The following RUSC2 variants were observed in gnomAD, a reference collection of about 807,000 sequenced individuals.
RUSC2 encodes AP-4 complex accessory subunit RUSC2.
Under a neutral mutation model 122.2 loss-of-function variants are expected in RUSC2, and 34 were observed. The observed-to-expected ratio is 0.28, with a 90% CI of 0.21 to 0.37. The LOEUF is 0.37. Ranked by LOEUF, RUSC2 falls within the 10% of genes least tolerant of loss-of-function variation. RUSC2 has a pLI of 1.00. For missense variants in RUSC2, 1,747 were observed against 1,952.4 expected, an observed-to-expected ratio of 0.89 and a Z score of 1.98; for synonymous variants, 784 against 790.0, an observed-to-expected ratio of 0.99 and a Z score of 0.13.
chr9:35,557,808 G>C lies in RUSC2; in HGVS notation c.2984-106G>C. ...AGACCCATGTGCAGATGTGGAGACGGAGTAAGTGTGGGAGCCCTTTCCCTG... is the reference window on the plus strand; with the variant it reads ...AGACCCATGTGCAGATGTGGAGACGCAGTAAGTGTGGGAGCCCTTTCCCTG... On this transcript the variant is annotated intron_variant, in intron 5 of 11. Coordinates refer to ENST00000361226, the MANE Select transcript of RUSC2 (RefSeq NM_014806.5). The surrounding 1 kb of genome is among the most constrained non-coding windows in gnomAD (Gnocchi z 4.6). 2 of 874,864 alleles carry C rather than the reference G, an allele frequency of 2.3e-6. No homozygotes were observed. The highest frequency in any genetic ancestry group is 2.0e-6 in the Non-Finnish European group (1 of 510,056). The allele number at this position is 874,864 out of a possible 1,614,324, so 54.2% of individuals were successfully genotyped here.
At chr9:35,506,331 TTGAA>T (rs563842541) in intron 1 of RUSC2, among the ~76,000 whole-genome samples, 12 of 152,242 alleles carry the variant, frequency 7.9e-5, no homozygotes, top group African/African-American at 1.2e-4. Flanking sequence ...ACTTATAACT[TTGAA>T]TGTAAGGATG....
Position 35,559,286 on chromosome 9 carries a change from C to T in RUSC2, c.3388+14C>T. Reference sequence around the variant, plus strand: ...ATAACCACGAAGGTAATGCCTAGAACCCTGCAGGTCAAACTCAATGGGTCA... The same window carrying T: ...ATAACCACGAAGGTAATGCCTAGAATCCTGCAGGTCAAACTCAATGGGTCA... On this transcript the variant is annotated intron_variant, in intron 9 of 11. Coordinates refer to ENST00000361226, the MANE Select transcript of RUSC2 (RefSeq NM_014806.5). 1 of 1,606,812 alleles carries T rather than the reference C, an allele frequency of 6.2e-7. No homozygotes were observed.
At chr9:35,537,845 G>A (rs1388046688) in intron 1 of RUSC2, among the ~76,000 whole-genome samples, 2 of 152,208 alleles carry the variant, frequency 1.3e-5, no homozygotes, top group African/African-American at 4.8e-5. Context: ...CTATCTCTGT[G>A]TTCAAGCGTA....
chr9:35,556,801 TG>T (rs1216438050), intron 5 of RUSC2, among the ~76,000 whole-genome samples: 1 of 152,226 alleles, frequency 6.6e-6, no homozygotes, highest in Non-Finnish European at 1.5e-5. Context: ...CACTCCAGCC[TG>T]GGCAACAAAA....
At chr9:35,552,109 C>G (rs937992939) in intron 2 of RUSC2, among the ~76,000 whole-genome samples, 1 of 152,068 alleles carries the variant, frequency 6.6e-6, no homozygotes, top group Admixed American at 6.6e-5. Flanking sequence ...GCCTGTAATC[C>G]CAGCACTTTG....
chr9:35,517,366 C>T (rs1482212057), intron 1 of RUSC2, among the ~76,000 whole-genome samples: 3 of 152,140 alleles, frequency 2.0e-5, no homozygotes, highest in Non-Finnish European at 4.4e-5. Context: ...AATACAGTAT[C>T]GCCTTTGTTC....
chr9:35,544,644 A>G (rs1587859705), intron 1 of RUSC2, among the ~76,000 whole-genome samples: 1 of 151,634 alleles, frequency 6.6e-6, no homozygotes, highest in Non-Finnish European at 1.5e-5. Context: ...AGAGTTCTTT[A>G]TATATTCTGA....
intron 1 of RUSC2, among the ~76,000 whole-genome samples, chr9:35,543,860 T>A (rs982356097): frequency 2.0e-5 from 3 of 152,266 alleles, no homozygotes; most frequent in Admixed American, 2.0e-4. Flanking sequence ...CCTTTGTGAC[T>A]GGCTTCGATT....
intron 1 of RUSC2, among the ~76,000 whole-genome samples, chr9:35,504,216 C>T (rs868668444): frequency 1.6e-4 from 24 of 152,056 alleles, no homozygotes; most frequent in African/African-American, 4.6e-4. Flanking sequence ...TATATTTTTC[C>T]GAGCTCATTA....
intron 1 of RUSC2, among the ~76,000 whole-genome samples, chr9:35,524,814 A>T (rs940277310): frequency 1.3e-5 from 2 of 152,096 alleles, no homozygotes; most frequent in African/African-American, 4.8e-5. Context: ...TACTAAAAAT[A>T]CAAAAAATTA....
chr9:35,558,669 G>A lies in RUSC2; in HGVS notation c.3341+102G>A. On this transcript the variant is annotated intron_variant, in intron 8 of 11. Coordinates refer to ENST00000361226, the MANE Select transcript of RUSC2 (RefSeq NM_014806.5). The surrounding 1 kb of genome is among the most constrained non-coding windows in gnomAD (Gnocchi z 4.3). ...AACAACGCCCTGGACAGACAGAAAGGGTGGATCTGGAGGGTCCCCTCAGCC... is the reference window on the plus strand; with the variant it reads ...AACAACGCCCTGGACAGACAGAAAGAGTGGATCTGGAGGGTCCCCTCAGCC... 1 of 1,005,206 alleles carries A rather than the reference G, an allele frequency of 9.9e-7. No homozygotes were observed. Among genetic ancestry groups the A allele is most frequent in the East Asian group, 2.4e-5 (1 of 41,704 alleles). 62.3% of individuals were successfully genotyped at this position (1,005,206 alleles called of 1,614,324 possible). A position where few individuals can be genotyped will look rare whatever the true frequency, so the allele number is the denominator to read the frequency against.
intron 2 of RUSC2, among the ~76,000 whole-genome samples, chr9:35,551,265 T>C (rs1192545575): frequency 6.6e-6 from 1 of 152,132 alleles, no homozygotes; most frequent in Non-Finnish European, 1.5e-5. Context: ...AAAGCAGGGA[T>C]AGCAGAGGCT....
rs1822176638 is a variant in RUSC2 at position 35,561,530 on chromosome 9, G to T, written c.*148G>T. The T allele has an allele frequency of 3.0e-6, 2 of 659,846 alleles. No homozygotes were observed. The highest frequency in any genetic ancestry group is 5.2e-6 in the Non-Finnish European group (2 of 386,032). The allele number at this position is 659,846 out of a possible 1,614,324, so 40.9% of individuals were successfully genotyped here. ...TGCTGGCACCTGCTCCCTGTGCTCA[G>T]TATTAATTACGCCCCCTTAACTGTC... is the stretch of plus-strand genomic sequence containing the variant. On this transcript the variant is annotated 3_prime_UTR_variant, in exon 12 of 12. Coordinates refer to ENST00000361226, the MANE Select transcript of RUSC2 (RefSeq NM_014806.5).
rs1298648657 is a variant in RUSC2, at chr9:35,560,080, C to T, written c.3440C>T (p.Thr1147Ile). ...TGGGGCTTCCTGAGTGCAGCTCATA[C>T]CGTGTGTCCCGGCCTCTTTGAAGAG... ...QPWGFLSAAH[T>I]VCPGLFEELL... Residue 1147 changes from threonine (T) to isoleucine (I), a missense_variant, in exon 10 of 12, where the codon ACC becomes ATC. Physicochemically the swap from Thr to Ile is moderately conservative, Grantham distance 89. Transcript: ENST00000361226. The T allele has an allele frequency of 1.2e-6, 2 of 1,613,744 alleles. No individual in the cohort carries two copies. Among genetic ancestry groups the T allele is most frequent in the Non-Finnish European group, 1.7e-6 (2 of 1,179,756 alleles).
At chr9:35,542,583 T>C (rs942746118) in intron 1 of RUSC2, among the ~76,000 whole-genome samples, 1 of 152,176 alleles carries the variant, frequency 6.6e-6, no homozygotes, top group African/African-American at 2.4e-5. Flanking sequence ...TATAATTCAA[T>C]CATAAAAAGA....
At chr9:35,496,377 T>G (rs1328113227) in intron 1 of RUSC2, among the ~76,000 whole-genome samples, 1 of 152,102 alleles carries the variant, frequency 6.6e-6, no homozygotes, top group African/African-American at 2.4e-5. Context: ...CTCGGTGCAT[T>G]AAATCTTCTT....
At chr9:35,550,833 C>A (rs565175935) in intron 2 of RUSC2, among the ~76,000 whole-genome samples, 2 of 151,794 alleles carry the variant, frequency 1.3e-5, no homozygotes, top group South Asian at 4.2e-4. Context: ...CCTAGCACTT[C>A]GGGAGGCCGA....
At chr9:35,526,464 G>A (rs1349013891) in intron 1 of RUSC2, among the ~76,000 whole-genome samples, 1 of 152,136 alleles carries the variant, frequency 6.6e-6, no homozygotes, top group Non-Finnish European at 1.5e-5. Flanking sequence ...CACAATTTAA[G>A]TGCTTGATAG....
At chr9:35,496,413 G>A (rs534942620) in intron 1 of RUSC2, among the ~76,000 whole-genome samples, 18 of 152,242 alleles carry the variant, frequency 1.2e-4, no homozygotes, top group Admixed American at 1.0e-3. Flanking sequence ...CTCCCCAAGG[G>A]TTGGCTAACC....
Sources: gnomAD v4.1 joint callset for allele counts (sites outside exome capture counted in the v4.1 genomes callset) on GRCh38, gnomAD v4.1.1 for gene constraint, Gnocchi (gnomAD v3.1) non-coding constraint, MANE v1.5 for transcripts, NCBI Gene and HGNC (gene_info 2026-07-23, HGNC 2026-07-21) for gene names.